ST8SIA1: variants seen among roughly 807,000 people sequenced by gnomAD.
The protein encoded by ST8SIA1 is alpha-N-acetylneuraminide alpha-2,8-sialyltransferase.
In ST8SIA1, 16 loss-of-function variants were observed where a neutral mutation model predicts 35.9. That is an observed-to-expected ratio of 0.45 (90% confidence interval 0.30 to 0.68). The LOEUF (loss-of-function observed/expected upper bound fraction) is 0.68. Among genes scored for constraint, ST8SIA1 ranks in the 30% least tolerant of loss-of-function variants. The pLI, the probability that ST8SIA1 is intolerant of heterozygous loss-of-function variation, is 0.09. For missense variants in ST8SIA1, 383 were observed against 453.6 expected (o/e 0.84, Z 1.41); for synonymous variants, 170 against 169.6 (o/e 1.00, Z -0.02).
At chr12:22,203,862 C>T (rs1174318491) in intron 4 of ST8SIA1, among the ~76,000 whole-genome samples, 1 of 152,150 alleles carries the variant, frequency 6.6e-6, no homozygotes, top group African/African-American at 2.4e-5. Context: ...TTGGTTCTCA[C>T]ACTTTAGTTA....
chr12:22,259,024 T>C (rs1219625621), intron 2 of ST8SIA1, among the ~76,000 whole-genome samples: 1 of 152,184 alleles, frequency 6.6e-6, no homozygotes, highest in Non-Finnish European at 1.5e-5. Context: ...AGTTTGTGGA[T>C]GTCAAGCATC....
At chr12:22,274,523 T>C (rs535502810) in intron 2 of ST8SIA1, among the ~76,000 whole-genome samples, 1 of 152,198 alleles carries the variant, frequency 6.6e-6, no homozygotes, top group Non-Finnish European at 1.5e-5. Flanking sequence ...GAATAATATA[T>C]GTCTTAAAAG....
chr12:22,204,361 G>A (rs150181448), intron 4 of ST8SIA1, among the ~76,000 whole-genome samples: 49 of 152,294 alleles, frequency 3.2e-4, no homozygotes, highest in African/African-American at 1.2e-3. Context: ...CAACAAGCAG[G>A]TTAGAACTAA....
At chr12:22,274,110 G>T (rs1865942700) in intron 2 of ST8SIA1, among the ~76,000 whole-genome samples, 1 of 152,200 alleles carries the variant, frequency 6.6e-6, no homozygotes, top group Non-Finnish European at 1.5e-5. Context: ...GTGTTTGTGA[G>T]GATATGAAAG....
At chr12:22,204,543 T>C (rs1019338206) in intron 4 of ST8SIA1, among the ~76,000 whole-genome samples, 3 of 152,174 alleles carry the variant, frequency 2.0e-5, no homozygotes, top group Non-Finnish European at 4.4e-5. Context: ...TGCTGGCTGA[T>C]GGAACTGATC....
At chr12:22,332,805 G>T (rs912199310) in intron 1 of ST8SIA1, among the ~76,000 whole-genome samples, 2 of 152,188 alleles carry the variant, frequency 1.3e-5, no homozygotes, top group Non-Finnish European at 2.9e-5. Flanking sequence ...AGATGCTCCT[G>T]AATATTTGTA....
chr12:22,268,102 A>C (rs1466425907), intron 2 of ST8SIA1, among the ~76,000 whole-genome samples: 1 of 152,108 alleles, frequency 6.6e-6, no homozygotes, highest in African/African-American at 2.4e-5. Flanking sequence ...TGTCTTTGTA[A>C]CTCTTAGTGT....
chr12:22,309,139 G>A (rs555175562), intron 1 of ST8SIA1, among the ~76,000 whole-genome samples: 14 of 152,228 alleles, frequency 9.2e-5, no homozygotes, highest in African/African-American at 3.4e-4. Flanking sequence ...CTCTCCTGGC[G>A]AAGGGGACCC....
chr12:22,330,687 T>C (rs1196268473), intron 1 of ST8SIA1, among the ~76,000 whole-genome samples: 3 of 152,198 alleles, frequency 2.0e-5, no homozygotes, highest in Non-Finnish European at 4.4e-5. Flanking sequence ...CTTATGAGGA[T>C]TAAATGAGAC....
chr12:22,201,285 C>A lies in ST8SIA1; in HGVS notation c.*267G>T. ...TTGAACTGCATCTTCTAGATTTGAA[C>A]CATGTGCTTTACCAACAGCATTTCA... On this transcript the variant is annotated 3_prime_UTR_variant, in exon 5 of 5. Coordinates refer to ENST00000396037, the MANE Select transcript of ST8SIA1 (RefSeq NM_003034.4). 2.7e-6 allele frequency: 1 copy of A among 364,300 alleles called. No individual in the cohort carries two copies. The highest frequency in any genetic ancestry group is 4.4e-5 in the Admixed American group (1 of 22,786). The allele number at this position is 364,300 out of a possible 1,614,324, so 22.6% of individuals were successfully genotyped here. A position where few individuals can be genotyped will look rare whatever the true frequency, so the allele number is the denominator to read the frequency against.
chr12:22,318,329 C>A lies in ST8SIA1; in HGVS notation c.236+15668G>T, dbSNP rs139740793. On this transcript the variant is annotated intron_variant, in intron 1 of 4. Coordinates refer to ENST00000396037, the MANE Select transcript of ST8SIA1 (RefSeq NM_003034.4). Reference sequence around the variant, plus strand: ...TTTTGGGTGCGCAGAAGTCTCCACACGATTCATTGCTCCACTCCTGTTTCT... The same window carrying A: ...TTTTGGGTGCGCAGAAGTCTCCACAAGATTCATTGCTCCACTCCTGTTTCT... 1.9e-4 allele frequency among the ~76,000 whole-genome samples: 29 copies of A among 152,292 alleles called. No homozygotes were observed. In the East Asian group the frequency reaches 4.6e-3, roughly 24 times the overall value.
intron 4 of ST8SIA1, among the ~76,000 whole-genome samples, chr12:22,227,907 G>C (rs547980954): frequency 6.6e-6 from 1 of 152,280 alleles, no homozygotes; most frequent in South Asian, 2.1e-4. Flanking sequence ...CAGGTTGTCT[G>C]ATGATGGTTA....
intron 4 of ST8SIA1, among the ~76,000 whole-genome samples, chr12:22,234,467 A>G (rs1303671500): frequency 6.6e-6 from 1 of 152,080 alleles, no homozygotes; most frequent in Non-Finnish European, 1.5e-5. Context: ...CATCTTAGTA[A>G]CTACTTAAAA....
rs541547372 is a variant in ST8SIA1 at position 22,232,040 on chromosome 12, C to T, written c.584+16966G>A. Reference sequence around the variant, plus strand: ...ACAAGGAGACAGGAGACCCACAGGACACCAGCAGGAAGGAACAAATCTCTT... The same window carrying T: ...ACAAGGAGACAGGAGACCCACAGGATACCAGCAGGAAGGAACAAATCTCTT... On this transcript the variant is annotated intron_variant, in intron 4 of 4. Coordinates refer to ENST00000396037, the MANE Select transcript of ST8SIA1 (RefSeq NM_003034.4). Among the ~76,000 whole-genome samples the T allele has an allele frequency of 2.0e-5, 3 of 152,296 alleles. No individual in the cohort carries two copies. The East Asian group carries it at 5.8e-4, about 29-fold the overall frequency.
At chr12:22,229,545 G>T (rs897875905) in intron 4 of ST8SIA1, among the ~76,000 whole-genome samples, 1 of 151,046 alleles carries the variant, frequency 6.6e-6, no homozygotes, top group African/African-American at 2.4e-5. Flanking sequence ...GAGCCCAGGC[G>T]GTCGAGTCTG....
At chr12:22,304,108 C>A (rs926414476) in intron 1 of ST8SIA1, among the ~76,000 whole-genome samples, 1 of 152,070 alleles carries the variant, frequency 6.6e-6, no homozygotes, top group East Asian at 1.9e-4. Flanking sequence ...CTAAATCAAG[C>A]CCTTTCTGGT....
At position 22,316,601 on chromosome 12, in the gene ST8SIA1, T is replaced by C. The variant is rs563243011; in HGVS notation, c.236+17396A>G. Among the ~76,000 whole-genome samples, 10 of 152,168 alleles carry C rather than the reference T, an allele frequency of 6.6e-5. No individual in the cohort carries two copies. In the South Asian group the frequency reaches 1.7e-3, roughly 25 times the overall value. On this transcript the variant is annotated intron_variant, in intron 1 of 4. Transcript: ENST00000396037. ...GCTCAAAAGCTATAAAAGAAAAAACTGATGAGGTTGATTGCCTGATAATTT... is the reference window on the plus strand; with the variant it reads ...GCTCAAAAGCTATAAAAGAAAAAACCGATGAGGTTGATTGCCTGATAATTT...
rs972645073 is a variant in ST8SIA1 at position 22,223,636 on chromosome 12, C to G, written c.585-21598G>C. Reference sequence around the variant, plus strand: ...AGCAGCTGAAGTTGTGGCTTCTCAACGTGGCAGGGATTCTGATTCTGACTG... The same window carrying G: ...AGCAGCTGAAGTTGTGGCTTCTCAAGGTGGCAGGGATTCTGATTCTGACTG... On this transcript the variant is annotated intron_variant, in intron 4 of 4. Transcript: ENST00000396037. 2.6e-6 allele frequency: 3 copies of G among 1,141,362 alleles called. No individual in the cohort carries two copies. The African/African-American group carries it at 5.1e-5, about 19-fold the overall frequency. 70.7% of individuals were successfully genotyped at this position (1,141,362 alleles called of 1,614,324 possible).
chr12:22,219,998 T>A (rs1003938028), intron 4 of ST8SIA1, among the ~76,000 whole-genome samples: 1 of 152,192 alleles, frequency 6.6e-6, no homozygotes, highest in African/African-American at 2.4e-5. Flanking sequence ...TTCCTCCACT[T>A]CTGAAGATCA....
Sources: allele counts gnomAD v4.1 joint callset (sites outside exome capture counted in the v4.1 genomes callset), GRCh38; gene constraint gnomAD v4.1.1; transcripts MANE v1.5; gene names NCBI Gene and HGNC (gene_info 2026-07-23, HGNC 2026-07-21).